The following CEP152 variants were observed in gnomAD, a reference collection of about 807,000 sequenced individuals.
The protein encoded by CEP152 is centrosomal protein 152, also known as centrosomal protein of 152 kDa.
CEP152 carries 132 observed loss-of-function variants against 188.9 expected under a neutral mutation model. The observed-to-expected ratio is 0.70, with a 90% CI of 0.61 to 0.81. CEP152 has a LOEUF of 0.81. CEP152 is among the 30% of genes least tolerant of loss of function. The pLI is 0.00. For missense variants in CEP152, 1,914 were observed against 1,969.8 expected (o/e 0.97, Z 0.54); for synonymous variants, 649 against 666.6 (o/e 0.97, Z 0.41).
At chr15:48,765,667 T>TTTG (rs749172516) in intron 17 of CEP152, 9 of 396,222 alleles carry the variant, frequency 2.3e-5, no homozygotes, top group African/African-American at 2.0e-4. Context: ...TTTTTTTTTT[T>TTTG]TTGAGAGACG....
chr15:48,739,309 C>T lies in CEP152; in HGVS notation c.4094-21G>A, dbSNP rs201294406. The T allele has an allele frequency of 5.0e-5, 78 of 1,566,958 alleles. No homozygotes were observed. In the East Asian group the frequency reaches 6.7e-4, roughly 13 times the overall value. ...CAGTGCTATTATGTGCAAGGAAACA[C>T]GAAATTAAGAGAAAATTAATATTTA... is the stretch of plus-strand genomic sequence containing the variant. On this transcript the variant is annotated intron_variant, in intron 26 of 26. Transcript: ENST00000380950.
Position 48,796,243 on chromosome 15 carries a change from C to T in CEP152, c.541-83G>A, listed in dbSNP as rs142048216. The stretch of plus-strand genomic sequence containing the variant: ...GAATTAGACACCTAAATTAATGTTA[C>T]GTTACAGAACTTACTTTTGGTACAG... On this transcript the variant is annotated intron_variant, in intron 5 of 26. Transcript: ENST00000380950. The T allele has an allele frequency of 2.1e-5, 30 of 1,454,916 alleles. 1 individual carries two copies. The highest frequency in any genetic ancestry group is 7.0e-5 in the African/African-American group (5 of 71,208). 90.1% of individuals were successfully genotyped at this position (1,454,916 alleles called of 1,614,324 possible).
rs1895277239 is a variant in CEP152, at chr15:48,768,315, G to T, written c.1922C>A (p.Thr641Asn). 6.4e-7 allele frequency: 1 copy of T among 1,565,392 alleles called. No individual in the cohort carries two copies. The highest frequency in any genetic ancestry group is 1.4e-5 in the African/African-American group (1 of 74,050). Reference protein sequence around the residue: ...LQQQNQELKETEGKLRNTNQD... With the variant: ...LQQQNQELKENEGKLRNTNQD... ...ATTTGTATTTCTCAGTTTTCCTTCA[G>T]TTTCTTTAAGTTCCTAGACACAAAA... Residue 641 changes from threonine to asparagine, a missense_variant, in exon 15 of 27, where the codon ACT (threonine) becomes AAT (asparagine). Physicochemically the swap from Thr to Asn is moderately conservative, Grantham distance 65 (BLOSUM62 0). Transcript: ENST00000380950.
At chr15:48,739,358 A>G (rs1365689519) in intron 26 of CEP152, 70 bp from the exon 27 acceptor site, 12 of 1,472,448 alleles carry the variant, frequency 8.1e-6, no homozygotes, top group Non-Finnish European at 1.1e-5. Context: ...TCCTTGAACA[A>G]AAAAATAAAA....
In CEP152 at chr15:48,793,379, C is replaced by T. The variant is rs778778690; in HGVS notation, c.774G>A (p.Lys258=). Reference sequence around the variant, plus strand: ...GAATTTGACGTTCACTTTCATTTAACTTTTCAATTAAGTTCTCCAGTTGTC... The same window carrying T: ...GAATTTGACGTTCACTTTCATTTAATTTTTCAATTAAGTTCTCCAGTTGTC... ...KERQLENLIE[K]LNESERQIRY... Residue 258 remains lysine (K), a synonymous_variant, in exon 7 of 27, where the codon AAG becomes AAA. Coordinates refer to ENST00000380950, the MANE Select transcript of CEP152 (RefSeq NM_001194998.2). The T allele has an allele frequency of 2.5e-6, 4 of 1,614,004 alleles. No individual in the cohort carries two copies.
intron 8 of CEP152, 79 bp downstream of exon 8, chr15:48,791,158 T>C (rs1896962169): frequency 3.2e-6 from 4 of 1,249,594 alleles, no homozygotes; most frequent in Middle Eastern, 2.5e-4. Context: ...TTCTTCTAAA[T>C]TTAGTCCTAC....
At chr15:48,786,730 G>A (rs1045724361) in intron 9 of CEP152, among the ~76,000 whole-genome samples, 1 of 152,140 alleles carries the variant, frequency 6.6e-6, no homozygotes, top group African/African-American at 2.4e-5. Flanking sequence ...ACGTAACAGT[G>A]GGAAAAGACC....
chr15:48,739,046 C>G lies in CEP152; in HGVS notation c.4336G>C (p.Gly1446Arg). The stretch of plus-strand genomic sequence containing the variant: ...TTTAGGTGCTTGCAACTACCATCCC[C>G]AAACTGGAATTCCAAATGTGTCTCT... ...SKETHLEFQFGDGSCKHLNSL... is the reference protein window; with the variant it reads ...SKETHLEFQFRDGSCKHLNSL... The change falls in exon 27 of 27, where the codon GGG becomes CGG. Residue 1446 changes from glycine (G) to arginine (R), a missense_variant. Coordinates refer to ENST00000380950, the MANE Select transcript of CEP152 (RefSeq NM_001194998.2). 6.2e-7 allele frequency: 1 copy of G among 1,614,194 alleles called. No individual in the cohort carries two copies. Among genetic ancestry groups the G allele is most frequent in the Non-Finnish European group, 8.5e-7 (1 of 1,180,020 alleles).
At position 48,764,469 on chromosome 15, in the gene CEP152, C is replaced by T. The variant is rs902298733; in HGVS notation, c.2281-1797G>A. 4.6e-5 allele frequency among the ~76,000 whole-genome samples: 7 copies of T among 152,078 alleles called. 1 individual carries two copies. Among genetic ancestry groups the T allele is most frequent in the Admixed American group, 1.3e-4 (2 of 15,256 alleles). ...CAAGTTAAAACATGAACTTGTTGTG[C>T]GTGTCTTGGATAGCAAAAAAAATCC... is the stretch of plus-strand genomic sequence containing the variant. On this transcript the variant is annotated intron_variant, in intron 17 of 26. Coordinates refer to ENST00000380950, the MANE Select transcript of CEP152 (RefSeq NM_001194998.2).
Position 48,742,075 on chromosome 15 carries a change from C to G in CEP152, c.3861G>C (p.Glu1287Asp), listed in dbSNP as rs759030964. 1 of 1,614,096 alleles carries G rather than the reference C, an allele frequency of 6.2e-7. No homozygotes were observed. The highest frequency in any genetic ancestry group is 2.2e-5 in the East Asian group (1 of 44,880). Residue 1287 changes from glutamate to aspartate, a missense_variant, in exon 25 of 27, where the codon GAG becomes GAC. Coordinates refer to ENST00000380950, the MANE Select transcript of CEP152 (RefSeq NM_001194998.2). ...CCATTTCTGCAGCTCGTTCCTTACT[C>G]TCCTGAATATAACGAAGCATGTCAC... ...IKCDMLRYIQ[E>D]SKERAAEMVK...
rs1321475587 is a variant in CEP152, at chr15:48,768,304, G to A, written c.1933C>T (p.Leu645=). 6.2e-7 allele frequency: 1 copy of A among 1,605,252 alleles called. No individual in the cohort carries two copies. The highest frequency in any genetic ancestry group is 8.5e-7 in the Non-Finnish European group (1 of 1,172,040). ...CATAAGTCTTGATTTGTATTTCTCA[G>A]TTTTCCTTCAGTTTCTTTAAGTTCC... The part of the protein sequence containing the change: ...NQELKETEGK[L]RNTNQDLCNQ... The change falls in exon 15 of 27, where the codon CTG becomes TTG. Residue 645 remains leucine, a synonymous_variant. Transcript: ENST00000380950.
rs780804434 is a variant in CEP152 at position 48,760,161 on chromosome 15, G to A, written c.2668C>T (p.Gln890Ter). 1 of 1,614,006 alleles carries A rather than the reference G, an allele frequency of 6.2e-7. No homozygotes were observed. The highest frequency in any genetic ancestry group is 2.2e-5 in the East Asian group (1 of 44,862). ...CTTTTGTTCACAGAGACCTCATGCT[G>A]TTCTTCCCACTTTTTCTGTTCTGCC... Reference protein sequence around the residue: ...VKAEQKKWEEQHEVSVNKRIS... With the variant: ...VKAEQKKWEE Residue 890 changes from glutamine to a stop codon, truncating the protein, a stop_gained, in exon 19 of 27, where the codon CAG becomes TAG. Coordinates refer to ENST00000380950, the MANE Select transcript of CEP152 (RefSeq NM_001194998.2). LOFTEE classifies it high-confidence loss of function.
chr15:48,733,536 CA>C (rs1892495523), downstream of CEP152, among the ~76,000 whole-genome samples: 1 of 151,922 alleles, frequency 6.6e-6, no homozygotes, highest in Non-Finnish European at 1.5e-5. Flanking sequence ...ACCTGTGACA[CA>C]ATGGTAAGCA....
intron 12 of CEP152, among the ~76,000 whole-genome samples, chr15:48,779,258 C>T (rs1244145558): frequency 2.6e-5 from 4 of 152,106 alleles, no homozygotes; most frequent in South Asian, 4.1e-4. Flanking sequence ...GACAGACAAC[C>T]GAGCCTTTCT....
chr15:48,762,542 A>G lies in CEP152; in HGVS notation c.2411T>C (p.Ile804Thr). 6.2e-7 allele frequency: 1 copy of G among 1,614,060 alleles called. No homozygotes were observed. Among genetic ancestry groups the G allele is most frequent in the Non-Finnish European group, 8.5e-7 (1 of 1,179,998 alleles). ...QTDQVTTSDV[I>T]SKKEMAIMIE... is the part of the protein sequence containing the mutation. ...CATAATTGCCATCTCTTTCTTGGAAATAACATCACTGGTGGTTACTTGGTC... is the reference window on the plus strand; with the variant it reads ...CATAATTGCCATCTCTTTCTTGGAAGTAACATCACTGGTGGTTACTTGGTC... The change falls in exon 18 of 27, where the codon ATT (isoleucine) becomes ACT (threonine). Residue 804 changes from isoleucine (I) to threonine (T), a missense_variant. Coordinates refer to ENST00000380950, the MANE Select transcript of CEP152 (RefSeq NM_001194998.2).
chr15:48,774,240 T>C (rs569731190), intron 12 of CEP152, among the ~76,000 whole-genome samples: 2 of 152,198 alleles, frequency 1.3e-5, no homozygotes, highest in African/African-American at 4.8e-5. Flanking sequence ...ACACAGAACA[T>C]ATTACATTTT....
At chr15:48,797,925 T>A in intron 3 of CEP152, 23 bp downstream of exon 3, 14 of 1,590,798 alleles carry the variant, frequency 8.8e-6, no homozygotes, top group Non-Finnish European at 1.2e-5. Flanking sequence ...AATATACAAG[T>A]GAAAGTGACT....
chr15:48,787,163 GTT>G (rs747436177), intron 9 of CEP152, among the ~76,000 whole-genome samples: 13,364 of 101,316 alleles, frequency 0.13, 743 homozygotes, highest in African/African-American at 0.24. Context: ...TATAGCCTTC[GTT>G]TTTTTTTTTT....
At chr15:48,793,528 A>G in intron 6 of CEP152, 67 bp from the exon 7 acceptor site, 1 of 1,436,322 alleles carries the variant, frequency 7.0e-7, no homozygotes, top group Non-Finnish European at 9.6e-7. Flanking sequence ...CATTTAAAGC[A>G]GTGTTTTTCA....
Sources: allele counts gnomAD v4.1 joint callset (sites outside exome capture counted in the v4.1 genomes callset), GRCh38; gene constraint gnomAD v4.1.1; transcripts MANE v1.5; gene names NCBI Gene and HGNC (gene_info 2026-07-23, HGNC 2026-07-21).